STON2: variants seen among roughly 807,000 people sequenced by gnomAD.
The protein encoded by STON2 is stonin-2.
STON2 carries 29 observed loss-of-function variants against 65.7 expected under a neutral mutation model. The observed-to-expected ratio is 0.44, with a 90% CI of 0.33 to 0.60. The LOEUF (loss-of-function observed/expected upper bound fraction) is 0.60, where lower values mean the gene tolerates loss of function less well. Ranked by LOEUF, STON2 falls within the 20% of genes least tolerant of loss-of-function variation. The pLI is 0.03. For synonymous variants in STON2, 404 were observed against 414.2 expected (o/e 0.98, Z 0.30); for missense variants, 1,054 against 1,118.1 (o/e 0.94, Z 0.82).
intron 2 of STON2, among the ~76,000 whole-genome samples, chr14:81,415,827 T>C (rs1376251065): frequency 6.6e-6 from 1 of 152,154 alleles, no homozygotes; most frequent in Non-Finnish European, 1.5e-5. Context: ...AATCATAATA[T>C]TTTTCTAATC....
rs1320357713 is a variant in STON2 at position 81,270,719 on chromosome 14, T to G, written c.2735A>C (p.Lys912Thr). 3 of 1,614,066 alleles carry G rather than the reference T, an allele frequency of 1.9e-6. No homozygotes were observed. Among genetic ancestry groups the G allele is most frequent in the Admixed American group, 1.7e-5 (1 of 59,998 alleles). The change falls in exon 7 of 8, where the codon AAG (lysine) becomes ACG (threonine). Residue 912 changes from lysine to threonine, a missense_variant. Coordinates refer to ENST00000614646, the MANE Select transcript of STON2 (RefSeq NM_001394390.1). Reference protein sequence around the residue: ...ASVRSISVEDKTDVRKWVNYS... With the variant: ...ASVRSISVEDTTDVRKWVNYS... ...ATTGACCCACTTCCTGACGTCAGTCTTGTCTTCTACAGAGATAGATCTCAC... is the reference window on the plus strand; with the variant it reads ...ATTGACCCACTTCCTGACGTCAGTCGTGTCTTCTACAGAGATAGATCTCAC...
At position 81,266,627 on chromosome 14, in the gene STON2, G is replaced by A. The variant is rs929101622; in HGVS notation, c.*1787C>T. On this transcript the variant is annotated 3_prime_UTR_variant, in exon 8 of 8. Transcript: ENST00000614646. The stretch of plus-strand genomic sequence containing the variant: ...GAACTCAACCCTCCATTTAGATATG[G>A]ACTAGATGGAGGGTTAATAAAAGCA... 1.1e-6 allele frequency: 1 copy of A among 945,536 alleles called. No individual in the cohort carries two copies. The highest frequency in any genetic ancestry group is 1.8e-5 in the African/African-American group (1 of 56,246). The allele number at this position is 945,536 out of a possible 1,614,324, so 58.6% of individuals were successfully genotyped here.
chr14:81,396,578 C>G (rs1252467434), intron 2 of STON2, among the ~76,000 whole-genome samples: 1 of 152,154 alleles, frequency 6.6e-6, no homozygotes, highest in Non-Finnish European at 1.5e-5. Flanking sequence ...GCACTTCTGT[C>G]TGAAGACATT....
At chr14:81,378,030 A>G (rs375391143) in intron 3 of STON2, among the ~76,000 whole-genome samples, 6 of 151,968 alleles carry the variant, frequency 3.9e-5, no homozygotes, top group African/African-American at 1.4e-4. Flanking sequence ...TATTTTTAGT[A>G]GAGACGGAGT....
chr14:81,271,746 C>T (rs1209542233), intron 6 of STON2, among the ~76,000 whole-genome samples: 2 of 152,202 alleles, frequency 1.3e-5, no homozygotes, highest in Non-Finnish European at 2.9e-5. Context: ...ACTGCTGTGA[C>T]TATAACCACT....
chr14:81,288,208 T>C (rs1301197408), intron 5 of STON2, among the ~76,000 whole-genome samples: 1 of 152,198 alleles, frequency 6.6e-6, no homozygotes, highest in East Asian at 1.9e-4. Context: ...TTCTCAAATA[T>C]AGTCATTTTC....
intron 2 of STON2, among the ~76,000 whole-genome samples, chr14:81,412,405 T>C (rs1476897004): frequency 7.1e-6 from 1 of 139,930 alleles, no homozygotes; most frequent in African/African-American, 2.9e-5. Flanking sequence ...TTATTCAGCC[T>C]TAAAAAGAAA....
At chr14:81,288,148 CTG>C (rs1895412260) in intron 5 of STON2, among the ~76,000 whole-genome samples, 1 of 152,208 alleles carries the variant, frequency 6.6e-6, no homozygotes, top group Non-Finnish European at 1.5e-5. Context: ...AGACCCTAAG[CTG>C]TGTTTTATTT....
rs150674194 is a variant in STON2 at position 81,333,637 on chromosome 14, C to T, written c.572-9450G>A. 2.7e-3 allele frequency among the ~76,000 whole-genome samples: 404 copies of T among 152,266 alleles called. 3 individuals are homozygous for T. Among genetic ancestry groups the T allele is most frequent in the Non-Finnish European group, 3.0e-3 (207 of 68,032 alleles). On this transcript the variant is annotated intron_variant, in intron 4 of 7. Coordinates refer to ENST00000614646, the MANE Select transcript of STON2 (RefSeq NM_001394390.1). ...ACATGGAATGAACTTCCTCTCTAGA[C>T]AGCAAATCCTTCGAGATGAGAGGCA...
chr14:81,429,603 T>C lies in STON2; in HGVS notation c.-309-2391A>G, dbSNP rs144507649. Reference sequence around the variant, plus strand: ...TGCTTTTGATAATTTAGGCAAAGATTAAATAGTCCGATGGCAGTCAAGAAA... The same window carrying C: ...TGCTTTTGATAATTTAGGCAAAGATCAAATAGTCCGATGGCAGTCAAGAAA... On this transcript the variant is annotated intron_variant, in intron 1 of 8. Coordinates refer to the STON2 transcript ENST00000553821. Among the ~76,000 whole-genome samples the C allele has an allele frequency of 1.5e-3, 229 of 152,232 alleles. 1 individual carries two copies. Among genetic ancestry groups the C allele is most frequent in the African/African-American group, 5.2e-3 (216 of 41,544 alleles).
chr14:81,412,123 G>A (rs1464496564), intron 2 of STON2, among the ~76,000 whole-genome samples: 2 of 140,042 alleles, frequency 1.4e-5, no homozygotes, highest in Non-Finnish European at 3.0e-5. Flanking sequence ...AGAACTACAA[G>A]GTCTTGTGAT....
At chr14:81,420,645 T>A (rs138851760) in intron 2 of STON2, among the ~76,000 whole-genome samples, 1 of 152,098 alleles carries the variant, frequency 6.6e-6, no homozygotes, top group African/African-American at 2.4e-5. Context: ...CAGTGAAGAA[T>A]AACAGGGAAG....
chr14:81,280,316 G>A (rs538746092), intron 5 of STON2, among the ~76,000 whole-genome samples: 3 of 152,296 alleles, frequency 2.0e-5, no homozygotes, highest in African/African-American at 7.2e-5. Context: ...AAGGAGGAAT[G>A]AATTCTGATG....
At chr14:81,418,669 G>C (rs910361838) in intron 2 of STON2, among the ~76,000 whole-genome samples, 7 of 152,282 alleles carry the variant, frequency 4.6e-5, no homozygotes, top group East Asian at 1.9e-4. Flanking sequence ...TCAGGTAAGG[G>C]GCAAGAGGCT....
chr14:81,405,892 TCA>T (rs1900835216), intron 2 of STON2, among the ~76,000 whole-genome samples: 1 of 152,172 alleles, frequency 6.6e-6, no homozygotes. Context: ...AGAGGCAGAC[TCA>T]CTCTCAATCT....
At chr14:81,424,416 C>T (rs1341664710) in intron 2 of STON2, among the ~76,000 whole-genome samples, 2 of 151,748 alleles carry the variant, frequency 1.3e-5, no homozygotes, top group African/African-American at 4.8e-5. Flanking sequence ...TGTACTCCAG[C>T]CTGGATGACA....
chr14:81,270,282 G>T, intron 7 of STON2: 2 of 751,200 alleles, frequency 2.7e-6, no homozygotes, highest in Non-Finnish European at 3.4e-6. Flanking sequence ...ATGGGGTTTC[G>T]CCATGTTGGC....
intron 2 of STON2, among the ~76,000 whole-genome samples, chr14:81,419,249 G>A (rs1214380620): frequency 6.6e-6 from 1 of 152,140 alleles, no homozygotes; most frequent in Non-Finnish European, 1.5e-5. Flanking sequence ...GATATAAGCT[G>A]CTATTACTAA....
chr14:81,311,476 A>G (rs975963932), intron 5 of STON2, among the ~76,000 whole-genome samples: 6 of 152,234 alleles, frequency 3.9e-5, no homozygotes. Context: ...TAACAATTTT[A>G]AAAATCATAC....
Sources: gnomAD v4.1 joint callset for allele counts (sites outside exome capture counted in the v4.1 genomes callset) on GRCh38, gnomAD v4.1.1 for gene constraint, MANE v1.5 for transcripts, NCBI Gene and HGNC (gene_info 2026-07-23, HGNC 2026-07-21) for gene names.